Variants in RNF111 observed in about 807,000 individuals in gnomAD.
The protein encoded by RNF111 is ring finger protein 111, also known as E3 ubiquitin-protein ligase Arkadia.
RNF111 carries 17 observed loss-of-function variants against 95.1 expected under a neutral mutation model. The observed-to-expected ratio is 0.18, with a 90% CI of 0.12 to 0.27. RNF111 has a LOEUF of 0.27. Among genes scored for constraint, RNF111 ranks in the 10% least tolerant of loss-of-function variants. The pLI, the probability that RNF111 is intolerant of heterozygous loss-of-function variation, is 1.00. For synonymous variants in RNF111, 440 were observed against 414.8 expected, an observed-to-expected ratio of 1.06 and a Z score of -0.74; for missense variants, 1,189 against 1,210.4, an observed-to-expected ratio of 0.98 and a Z score of 0.26.
At chr15:59,038,003 GT>G (rs1430833879) in intron 2 of RNF111, among the ~76,000 whole-genome samples, 1 of 152,134 alleles carries the variant, frequency 6.6e-6, no homozygotes, top group Admixed American at 6.5e-5. Flanking sequence ...TAAGGCTGTT[GT>G]TAAAATAGTC....
rs4145892 is a variant in RNF111, at chr15:59,095,278, T to C, written c.*378T>C. The stretch of plus-strand genomic sequence containing the variant: ...ACATAGTACCAAGCCTTGATAATTA[T>C]GAATTTTTTATCCATTACTAACCTT... On this transcript the variant is annotated 3_prime_UTR_variant, in exon 14 of 14. Transcript: ENST00000348370. 7.2e-4 allele frequency: 138 copies of C among 192,424 alleles called. No homozygotes were observed. The East Asian group carries it at 1.0e-2, about 14-fold the overall frequency. 11.9% of individuals were successfully genotyped at this position (192,424 alleles called of 1,614,324 possible). A position where few individuals can be genotyped will look rare whatever the true frequency, so the allele number is the denominator to read the frequency against.
At chr15:59,090,852 G>T (rs1370753171) in intron 11 of RNF111, among the ~76,000 whole-genome samples, 1 of 152,100 alleles carries the variant, frequency 6.6e-6, no homozygotes, top group African/African-American at 2.4e-5. Context: ...GAGGCCAGGA[G>T]TTTGAGACCA....
intron 1 of RNF111, among the ~76,000 whole-genome samples, chr15:59,016,175 G>T (rs1047353365): frequency 3.5e-5 from 5 of 142,434 alleles, no homozygotes; most frequent in Non-Finnish European, 1.5e-5. Flanking sequence ...TATATATATA[G>T]TTTTTTTTTT....
chr15:59,034,821 G>A (rs562603569), intron 2 of RNF111, among the ~76,000 whole-genome samples: 4 of 152,134 alleles, frequency 2.6e-5, no homozygotes, highest in Non-Finnish European at 5.9e-5. Context: ...CTTTTAATTT[G>A]ACTTATTTAC....
In RNF111 at chr15:59,019,913, C is replaced by T. The variant is rs149335005; in HGVS notation, c.-19-10891C>T. On this transcript the variant is annotated intron_variant, in intron 1 of 13. Transcript: ENST00000348370. ...GATGGAGGTTGCAGTGAGTCGAGAT[C>T]GTGCCACTGCACTTCAGCCTGGGTG... Among the ~76,000 whole-genome samples, 154 of 152,040 alleles carry T rather than the reference C, an allele frequency of 1.0e-3. 3 individuals carry two copies. The East Asian group carries it at 0.024, about 23-fold the overall frequency.
At chr15:59,049,311 C>T (rs529135580) in intron 2 of RNF111, 1 of 150,150 alleles carries the variant, frequency 6.7e-6, no homozygotes, top group African/African-American at 2.5e-5. Flanking sequence ...TTTCACTTAG[C>T]GTAATGCCCT....
chr15:59,008,019 T>C (rs532941079), intron 1 of RNF111, among the ~76,000 whole-genome samples: 83 of 152,320 alleles, frequency 5.4e-4, no homozygotes, highest in African/African-American at 1.9e-3. Context: ...AAGTCAAGCT[T>C]ACTAATTTTT....
In RNF111 at chr15:59,085,649, C is replaced by T. The variant is rs765082388; in HGVS notation, c.2424-10C>T. The T allele has an allele frequency of 1.2e-6, 2 of 1,612,094 alleles. No individual in the cohort carries two copies. ...TAAGGAGGATTAAACTGTTCTCATC[C>T]TTTCGTTAGGGAACTGGGAATTGAA... On this transcript the variant is annotated splice_polypyrimidine_tract_variant and intron_variant, in intron 9 of 13. Transcript: ENST00000348370.
chr15:59,013,951 G>A (rs1192037390), intron 1 of RNF111, among the ~76,000 whole-genome samples: 8 of 151,860 alleles, frequency 5.3e-5, no homozygotes, highest in African/African-American at 1.9e-4. Flanking sequence ...ACCACGCCTG[G>A]CTAATTTTTG....
chr15:59,092,448 G>GTT, intron 12 of RNF111, 89 bp from the exon 13 acceptor site: 2 of 1,389,972 alleles, frequency 1.4e-6, no homozygotes. Context: ...GTTTTGTTTT[G>GTT]TTTTGTTTTT....
At chr15:59,024,846 GGTCCTC>G (rs2040522177) in intron 1 of RNF111, among the ~76,000 whole-genome samples, 1 of 152,042 alleles carries the variant, frequency 6.6e-6, no homozygotes, top group East Asian at 1.9e-4. Flanking sequence ...CCCTCCCTCA[GGTCCTC>G]GCAACCACCA....
At chr15:58,997,342 A>G (rs1290269415) in intron 1 of RNF111, among the ~76,000 whole-genome samples, 4 of 152,160 alleles carry the variant, frequency 2.6e-5, no homozygotes, top group African/African-American at 9.7e-5. Flanking sequence ...AAACTATTTC[A>G]GAATATTACC....
intron 1 of RNF111, among the ~76,000 whole-genome samples, chr15:59,028,644 G>A (rs1274952915): frequency 6.6e-6 from 1 of 152,026 alleles, no homozygotes; most frequent in Non-Finnish European, 1.5e-5. Flanking sequence ...CAGTTGATTG[G>A]CATTTGTGTT....
At chr15:59,022,853 T>C (rs2040412257) in intron 1 of RNF111, among the ~76,000 whole-genome samples, 1 of 152,220 alleles carries the variant, frequency 6.6e-6, no homozygotes, top group South Asian at 2.1e-4. Flanking sequence ...TTACTTTGGA[T>C]CTGAGAAAAG....
Position 59,066,829 on chromosome 15 carries a change from C to T in RNF111, c.1432C>T (p.Pro478Ser), listed in dbSNP as rs369166271. ...ETGPPAMPRLPSCCPQHSPCG... is the reference protein window; with the variant it reads ...ETGPPAMPRLSSCCPQHSPCG... ...TGGCCCTCCTGCAATGCCAAGGTTA[C>T]CTTCCTGCTGTCCCCAGCACTCACC... Residue 478 changes from proline to serine, a missense_variant, in exon 6 of 14, where the codon CCT (proline) becomes TCT (serine). Around this residue, in one of 2 missense-constraint regions of RNF111, gnomAD observed 1,024 missense variants for 925.9 expected, o/e 1.11. Coordinates refer to ENST00000348370, the MANE Select transcript of RNF111 (RefSeq NM_017610.8). The T allele has an allele frequency of 1.1e-5, 18 of 1,613,966 alleles. No homozygotes were observed. The East Asian group carries it at 3.1e-4, about 28-fold the overall frequency.
intron 2 of RNF111, among the ~76,000 whole-genome samples, chr15:59,043,163 T>A (rs565696296): frequency 6.6e-6 from 1 of 152,216 alleles, no homozygotes; most frequent in African/African-American, 2.4e-5. Context: ...AGTAATTTTT[T>A]TTTTTTTTTG....
intron 1 of RNF111, among the ~76,000 whole-genome samples, chr15:58,996,966 A>C (rs1426586912): frequency 1.3e-5 from 2 of 152,090 alleles, no homozygotes; most frequent in African/African-American, 4.8e-5. Flanking sequence ...TCTGTAGTCT[A>C]TACCTTTATA....
intron 1 of RNF111, among the ~76,000 whole-genome samples, chr15:58,999,248 T>G (rs1180596960): frequency 1.3e-5 from 2 of 152,144 alleles, no homozygotes; most frequent in Admixed American, 1.3e-4. Context: ...TTAGAGAGAT[T>G]TGCAAAAAAT....
At chr15:58,996,247 A>G (rs2039066727) in intron 1 of RNF111, among the ~76,000 whole-genome samples, 1 of 152,134 alleles carries the variant, frequency 6.6e-6, no homozygotes, top group East Asian at 1.9e-4. Flanking sequence ...ATCTGAAGAA[A>G]ACTGTTGCTT....
Sources: allele counts gnomAD v4.1 joint callset (sites outside exome capture counted in the v4.1 genomes callset), GRCh38; gene constraint gnomAD v4.1.1; regional missense constraint gnomAD v4.1.1; transcripts MANE v1.5; gene names NCBI Gene and HGNC (gene_info 2026-07-23, HGNC 2026-07-21).